ZBTB38: variants seen among roughly 807,000 people sequenced by gnomAD.
The protein encoded by ZBTB38 is zinc finger and BTB domain containing 38, also known as zinc finger and BTB domain-containing protein 38.
In ZBTB38, 20 loss-of-function variants were observed where a neutral mutation model predicts 76.8. That is an observed-to-expected ratio of 0.26 (90% CI 0.18 to 0.38). The LOEUF is 0.38. Among genes scored for constraint, ZBTB38 ranks in the 10% least tolerant of loss-of-function variants. The pLI is 1.00. For synonymous variants in ZBTB38, 504 were observed against 544.2 expected, an observed-to-expected ratio of 0.93 and a Z score of 1.03; for missense variants, 1,082 against 1,482.3, an observed-to-expected ratio of 0.73 and a Z score of 4.43.
intron 4 of ZBTB38, chr3:141,387,472 C>T (rs1021233203): frequency 3.9e-5 from 6 of 152,170 alleles, no homozygotes; most frequent in African/African-American, 1.4e-4. Flanking sequence ...ATTTTTAACT[C>T]TTATGCACTC....
At chr3:141,332,443 C>T (rs1942882988) in intron 1 of ZBTB38, among the ~76,000 whole-genome samples, 1 of 152,208 alleles carries the variant, frequency 6.6e-6, no homozygotes, top group Non-Finnish European at 1.5e-5. Flanking sequence ...TACTCTAGCA[C>T]CTGGCAACTC....
chr3:141,341,016 A>G (rs566225830), intron 1 of ZBTB38, among the ~76,000 whole-genome samples: 52 of 151,764 alleles, frequency 3.4e-4, no homozygotes, highest in African/African-American at 1.2e-3. Flanking sequence ...AGAAAGAAAG[A>G]GAAAGATAGA....
At chr3:141,345,857 T>C (rs1295865267) in intron 1 of ZBTB38, among the ~76,000 whole-genome samples, 1 of 151,968 alleles carries the variant, frequency 6.6e-6, no homozygotes, top group Non-Finnish European at 1.5e-5. Flanking sequence ...ACCAAATCAT[T>C]GTGACAACTG....
chr3:141,388,249 A>G (rs898068302), intron 4 of ZBTB38: 3 of 152,182 alleles, frequency 2.0e-5, no homozygotes, highest in Non-Finnish European at 4.4e-5. Flanking sequence ...AAGAGCGTAA[A>G]CAAGCTTAAT....
At chr3:141,355,178 T>C (rs1252713055) in intron 1 of ZBTB38, among the ~76,000 whole-genome samples, 1 of 152,038 alleles carries the variant, frequency 6.6e-6, no homozygotes, top group African/African-American at 2.4e-5. Flanking sequence ...TAGATTACAT[T>C]ATAGAGATAA....
chr3:141,425,276 C>T (rs1316031743), intron 5 of ZBTB38, among the ~76,000 whole-genome samples: 2 of 152,208 alleles, frequency 1.3e-5, no homozygotes, highest in Non-Finnish European at 2.9e-5. Flanking sequence ...AGTCTCCCCA[C>T]CATTCCTTTT....
intron 5 of ZBTB38, among the ~76,000 whole-genome samples, chr3:141,425,246 T>G (rs986513057): frequency 2.6e-5 from 4 of 152,220 alleles, no homozygotes; most frequent in African/African-American, 7.2e-5. Context: ...GTCTCTCAGT[T>G]CTTTCAGTTC....
At chr3:141,414,248 T>C (rs1559945044) in intron 5 of ZBTB38, among the ~76,000 whole-genome samples, 1 of 152,190 alleles carries the variant, frequency 6.6e-6, no homozygotes, top group Non-Finnish European at 1.5e-5. Flanking sequence ...TTCACACAGA[T>C]AGGGGCCTGA....
intron 1 of ZBTB38, among the ~76,000 whole-genome samples, chr3:141,349,465 G>GCAAA (rs1304593232): frequency 6.6e-6 from 1 of 152,064 alleles, no homozygotes; most frequent in Non-Finnish European, 1.5e-5. Flanking sequence ...CAAAAAACAA[G>GCAAA]CAAACAAACA....
intron 5 of ZBTB38, among the ~76,000 whole-genome samples, chr3:141,441,531 C>T (rs943804455): frequency 1.3e-5 from 2 of 152,174 alleles, no homozygotes; most frequent in Non-Finnish European, 2.9e-5. Context: ...GATGAGTCAC[C>T]ATAGGGCCAA....
chr3:141,356,051 C>G (rs1943652991), intron 1 of ZBTB38, among the ~76,000 whole-genome samples: 2 of 152,168 alleles, frequency 1.3e-5, no homozygotes, highest in South Asian at 4.1e-4. Context: ...GGTGAACACT[C>G]AGCCTATAGG....
chr3:141,434,549 G>A (rs1308356068), intron 5 of ZBTB38, among the ~76,000 whole-genome samples: 1 of 152,110 alleles, frequency 6.6e-6, no homozygotes, highest in Non-Finnish European at 1.5e-5. Context: ...ATTCTAAAAA[G>A]CAAGTGAAGA....
chr3:141,355,927 G>C (rs1358167409), intron 1 of ZBTB38, among the ~76,000 whole-genome samples: 1 of 152,158 alleles, frequency 6.6e-6, no homozygotes, highest in Non-Finnish European at 1.5e-5. Context: ...AGGAGAGCCA[G>C]CCCAAGACAC....
intron 4 of ZBTB38, chr3:141,387,380 G>T (rs1004077583): frequency 6.6e-6 from 1 of 151,908 alleles, no homozygotes; most frequent in Non-Finnish European, 1.5e-5. Context: ...AATGTATGTT[G>T]TATTGTTAAT....
At chr3:141,336,362 T>C (rs41379945) in intron 1 of ZBTB38, among the ~76,000 whole-genome samples, 1,962 of 152,202 alleles carry the variant, frequency 0.013, 81 homozygotes, top group Admixed American at 0.09. Flanking sequence ...TTCTATTTGC[T>C]TCTCTTGACC....
rs2080640997 is a variant in ZBTB38 at position 141,443,387 on chromosome 3, A to G, written c.999A>G (p.Pro333=). The change falls in exon 6 of 6, where the codon CCA becomes CCG. Residue 333 remains proline (P), a synonymous_variant. Transcript: ENST00000321464. This position sits in a 1 kb window ranked among gnomAD's most constrained non-coding sequence, Gnocchi z 5.6. The stretch of plus-strand genomic sequence containing the variant: ...AATCTTCTGATGTTCCCGGGCCGCC[A>G]GCCGCAGAGGTTCCACCTCTGGTGT... ...ENQSSDVPGP[P]AAEVPPLVYN... The G allele has an allele frequency of 6.2e-7, 1 of 1,614,130 alleles. No individual in the cohort carries two copies. Among genetic ancestry groups the G allele is most frequent in the African/African-American group, 1.3e-5 (1 of 74,946 alleles).
intron 5 of ZBTB38, among the ~76,000 whole-genome samples, chr3:141,437,740 A>G (rs2079114540): frequency 6.6e-6 from 1 of 152,138 alleles, no homozygotes; most frequent in Non-Finnish European, 1.5e-5. Context: ...TCTCTATAGG[A>G]GCAGGGGAGG....
At chr3:141,356,395 A>G (rs1943664056) in intron 1 of ZBTB38, among the ~76,000 whole-genome samples, 3 of 146,478 alleles carry the variant, frequency 2.0e-5, no homozygotes, top group African/African-American at 7.3e-5. Flanking sequence ...ACCTTTTCTC[A>G]CTCATACAAA....
chr3:141,384,959 A>G (rs931370722), intron 3 of ZBTB38: 1 of 152,226 alleles, frequency 6.6e-6, no homozygotes, highest in African/African-American at 2.4e-5. Flanking sequence ...CCATACACTA[A>G]GCTAAAAATC....
Sources: allele counts gnomAD v4.1 joint callset (sites outside exome capture counted in the v4.1 genomes callset), GRCh38; gene constraint gnomAD v4.1.1; non-coding constraint Gnocchi (gnomAD v3.1); transcripts MANE v1.5; gene names NCBI Gene and HGNC (gene_info 2026-07-23, HGNC 2026-07-21).